CFAP97: variants seen among roughly 807,000 people sequenced by gnomAD.
The protein encoded by CFAP97 is cilia and flagella associated protein 97, also known as cilia- and flagella-associated protein 97.
CFAP97 carries 36 observed loss-of-function variants against 43.1 expected under a neutral mutation model. That is an observed-to-expected ratio of 0.84 (90% CI 0.64 to 1.10). The LOEUF (loss-of-function observed/expected upper bound fraction) is 1.10, where lower values mean the gene tolerates loss of function less well. Ranked by LOEUF, CFAP97 falls within the 50% of genes least tolerant of loss-of-function variation. CFAP97 has a pLI of 0.00. For missense variants in CFAP97, 657 were observed against 620.3 expected, an observed-to-expected ratio of 1.06 and a Z score of -0.63; for synonymous variants, 228 against 225.7, an observed-to-expected ratio of 1.01 and a Z score of -0.09.
intron 3 of CFAP97, 123 bp from the exon 4 acceptor site, chr4:185,164,302 T>G (rs1734988043): frequency 1.0e-6 from 1 of 980,662 alleles, no homozygotes; most frequent in African/African-American, 1.6e-5. Context: ...AAGATCTTAC[T>G]CTGTCACTCA....
At chr4:185,169,793 C>A (rs1055043413) in intron 3 of CFAP97, 1 of 985,400 alleles carries the variant, frequency 1.0e-6, no homozygotes, top group South Asian at 4.7e-5. Context: ...AGAATCAAGA[C>A]GACTGCTCTC....
chr4:185,185,613 G>A (rs760871366), intron 2 of CFAP97, among the ~76,000 whole-genome samples: 1 of 142,426 alleles, frequency 7.0e-6, no homozygotes, highest in African/African-American at 2.6e-5. Flanking sequence ...TCTATATAAT[G>A]TATTCTGAAA....
intron 3 of CFAP97, among the ~76,000 whole-genome samples, chr4:185,170,520 C>T (rs1253176552): frequency 6.6e-6 from 1 of 151,864 alleles, no homozygotes; most frequent in Non-Finnish European, 1.5e-5. Context: ...CCTCAGCCTC[C>T]TGAGTAGCTG....
rs527498121 is a variant in CFAP97 at position 185,160,380 on chromosome 4, A to T, written c.*2418T>A. ...ATTCAGTACAAGTCAAAAAAAAAAT[A>T]AAATAAAATAGTGCCAGACCATCCT... On this transcript the variant is annotated 3_prime_UTR_variant, in exon 5 of 5. Coordinates refer to ENST00000458385, the MANE Select transcript of CFAP97 (RefSeq NM_020827.3). 1.1e-3 allele frequency: 172 copies of T among 151,386 alleles called. No homozygotes were observed. The highest frequency in any genetic ancestry group is 4.0e-3 in the African/African-American group (166 of 41,150). The allele number at this position is 151,386 out of a possible 1,614,324, so 9.4% of individuals were successfully genotyped here.
chr4:185,166,848 T>C (rs78687377), intron 3 of CFAP97, among the ~76,000 whole-genome samples: 3 of 152,348 alleles, frequency 2.0e-5, no homozygotes, highest in African/African-American at 7.2e-5. Context: ...TACAAAGTGT[T>C]GATTACCCTA....
At position 185,160,093 on chromosome 4, in the gene CFAP97, T is replaced by C. The variant is rs1383944377; in HGVS notation, c.*2705A>G. 1 of 118,190 alleles carries C rather than the reference T, an allele frequency of 8.5e-6. No individual in the cohort carries two copies. Among genetic ancestry groups the C allele is most frequent in the Non-Finnish European group, 1.9e-5 (1 of 53,462 alleles). The allele number at this position is 118,190 out of a possible 1,614,324, so 7.3% of individuals were successfully genotyped here. A position where few individuals can be genotyped will look rare whatever the true frequency, so the allele number is the denominator to read the frequency against. ...CGGAGAGAAAACAACTGCATTACAC[T>C]ACATTTTTAAGCAAACCAAAGAACT... On this transcript the variant is annotated 3_prime_UTR_variant, in exon 5 of 5. Coordinates refer to ENST00000458385, the MANE Select transcript of CFAP97 (RefSeq NM_020827.3).
intron 2 of CFAP97, 73 bp downstream of exon 2, chr4:185,190,070 A>T: frequency 1.6e-6 from 2 of 1,220,330 alleles, no homozygotes; most frequent in Non-Finnish European, 1.1e-6. Context: ...ATCAATGCAA[A>T]TTCATAGCAT....
At chr4:185,163,508 T>C (rs1389167204) in intron 4 of CFAP97, among the ~76,000 whole-genome samples, 2 of 152,040 alleles carry the variant, frequency 1.3e-5, no homozygotes, top group Non-Finnish European at 2.9e-5. Flanking sequence ...AAATGGTCAC[T>C]CCATTCCTGT....
chr4:185,169,674 A>AC (rs1735216914), intron 3 of CFAP97: 1 of 985,326 alleles, frequency 1.0e-6, no homozygotes, highest in African/African-American at 1.7e-5. Flanking sequence ...TAAATGTCTT[A>AC]ATGATTTCTG....
intron 2 of CFAP97, among the ~76,000 whole-genome samples, chr4:185,186,994 G>C (rs1377752592): frequency 6.6e-6 from 1 of 152,098 alleles, no homozygotes; most frequent in Non-Finnish European, 1.5e-5. Flanking sequence ...TCCACCTAGC[G>C]AATCGTATGC....
intron 4 of CFAP97, among the ~76,000 whole-genome samples, chr4:185,163,471 T>C (rs556780332): frequency 7.5e-4 from 114 of 152,146 alleles, no homozygotes; most frequent in African/African-American, 2.6e-3. Flanking sequence ...GACACTGGCC[T>C]TTCTAGATGT....
In CFAP97 at chr4:185,190,228, C is replaced by A; in HGVS notation, c.969G>T (p.Ser323=). The A allele has an allele frequency of 1.2e-6, 2 of 1,613,498 alleles. No individual in the cohort carries two copies. The highest frequency in any genetic ancestry group is 1.7e-6 in the Non-Finnish European group (2 of 1,179,746). Residue 323 remains serine (S), a synonymous_variant, in exon 2 of 5, where the codon TCG becomes TCT. Coordinates refer to ENST00000458385, the MANE Select transcript of CFAP97 (RefSeq NM_020827.3). ...CTAAACTGGAGTCTAACACTGAAGACGACTTTGAGGAGACATCAGGCTCAT... is the reference window on the plus strand; with the variant it reads ...CTAAACTGGAGTCTAACACTGAAGAAGACTTTGAGGAGACATCAGGCTCAT... ...EKHEPDVSSK[S]SSVLDSSLDH...
intron 3 of CFAP97, chr4:185,169,629 GC>G: frequency 1.0e-6 from 1 of 984,782 alleles, no homozygotes; most frequent in Non-Finnish European, 1.2e-6. Context: ...AATTAACCTA[GC>G]CCATCTTTTG....
At chr4:185,169,600 T>C in intron 3 of CFAP97, 1 of 981,732 alleles carries the variant, frequency 1.0e-6, no homozygotes, top group Non-Finnish European at 1.2e-6. Flanking sequence ...TATCCAGGAA[T>C]TATTCTCTTT....
intron 3 of CFAP97, among the ~76,000 whole-genome samples, chr4:185,165,481 T>C (rs1371433813): frequency 1.3e-5 from 2 of 152,236 alleles, no homozygotes; most frequent in South Asian, 2.1e-4. Context: ...GTAGGCATTG[T>C]TGAGAAAGAA....
chr4:185,210,060 C>T, upstream of CFAP97: 6 of 981,194 alleles, frequency 6.1e-6, no homozygotes, highest in Non-Finnish European at 7.3e-6. This position sits in a 1 kb window ranked among gnomAD's most constrained non-coding sequence, Gnocchi z 4.4. Flanking sequence ...GGCCCGGCAG[C>T]GGGGAGGCGG....
At chr4:185,210,163 C>T (rs1737505666), upstream of CFAP97, 1 of 984,336 alleles carries the variant, frequency 1.0e-6, no homozygotes, top group African/African-American at 1.7e-5. The surrounding 1 kb of genome is among the most constrained non-coding windows in gnomAD (Gnocchi z 4.4). Context: ...CCTGTTTGCC[C>T]TCGTCTGCCG....
intron 4 of CFAP97, 90 bp from the exon 5 acceptor site, chr4:185,163,015 T>A (rs1734927355): frequency 1.7e-6 from 2 of 1,193,484 alleles, no homozygotes; most frequent in Non-Finnish European, 2.3e-6. Flanking sequence ...GTGTGTCTAA[T>A]AGTCTAATGC....
At chr4:185,178,690 A>G (rs1233772522) in intron 2 of CFAP97, among the ~76,000 whole-genome samples, 1 of 152,246 alleles carries the variant, frequency 6.6e-6, no homozygotes, top group African/African-American at 2.4e-5. Flanking sequence ...CAAAGACTCA[A>G]AGAGCAGGAT....
Sources: gnomAD v4.1 joint callset for allele counts (sites outside exome capture counted in the v4.1 genomes callset) on GRCh38, gnomAD v4.1.1 for gene constraint, Gnocchi (gnomAD v3.1) non-coding constraint, MANE v1.5 for transcripts, NCBI Gene and HGNC (gene_info 2026-07-23, HGNC 2026-07-21) for gene names.